The following DUSP4 variants were observed in gnomAD, a reference collection of about 807,000 sequenced individuals.
The protein encoded by DUSP4 is dual specificity phosphatase 4.
In DUSP4, 12 loss-of-function variants were observed where a neutral mutation model predicts 27.2. That is an observed-to-expected ratio of 0.44 (90% CI 0.28 to 0.71). DUSP4 has a LOEUF of 0.71. Ranked by LOEUF, DUSP4 falls within the 30% of genes least tolerant of loss-of-function variation. The pLI is 0.14. For synonymous variants in DUSP4, 257 were observed against 245.2 expected, an observed-to-expected ratio of 1.05 and a Z score of -0.45; for missense variants, 448 against 551.3, an observed-to-expected ratio of 0.81 and a Z score of 1.88.
Position 29,337,221 on chromosome 8 carries a change from G to T in DUSP4, c.990C>A (p.Phe330Leu), listed in dbSNP as rs1194563815. 3 of 1,613,752 alleles carry T rather than the reference G, an allele frequency of 1.9e-6. No homozygotes were observed. Among genetic ancestry groups the T allele is most frequent in the Non-Finnish European group, 2.5e-6 (3 of 1,179,966 alleles). ...NFSFMGQLLQ[F>L]ESQVLATSCA... Reference sequence around the variant, plus strand: ...AGGACGTGGCCAGCACCTGGGACTCGAACTGCAGCAGCTGCCCCATGAAGC... The same window carrying T: ...AGGACGTGGCCAGCACCTGGGACTCTAACTGCAGCAGCTGCCCCATGAAGC... Residue 330 changes from phenylalanine (F) to leucine (L), a missense_variant, in exon 4 of 4, where the codon TTC (phenylalanine) becomes TTA (leucine). Phe to Leu is a conservative substitution (Grantham distance 22). Coordinates refer to ENST00000240100, the MANE Select transcript of DUSP4 (RefSeq NM_001394.7). This position sits in a 1 kb window ranked among gnomAD's most constrained non-coding sequence, Gnocchi z 6.4.
intron 2 of DUSP4, 62 bp downstream of exon 2, chr8:29,340,036 G>A (rs1337432986): frequency 2.6e-6 from 4 of 1,511,724 alleles, no homozygotes; most frequent in African/African-American, 2.8e-5. Flanking sequence ...TGAAAAGAAG[G>A]CATCCACTGG....
rs1443668322 is a variant in DUSP4 at position 29,350,677 on chromosome 8, C to G, written c.-399G>C. 1 of 198,350 alleles carries G rather than the reference C, an allele frequency of 5.0e-6. No individual in the cohort carries two copies. Among genetic ancestry groups the G allele is most frequent in the Non-Finnish European group, 1.0e-5 (1 of 99,628 alleles). 12.3% of individuals were successfully genotyped at this position (198,350 alleles called of 1,614,324 possible). A position where few individuals can be genotyped will look rare whatever the true frequency, so the allele number is the denominator to read the frequency against. ...CTCCTCCGGCGCTCAGCGCACTGCC[C>G]CAGCCAGAGTTTTCTCCTCGGCTTA... On this transcript the variant is annotated 5_prime_UTR_variant, in exon 1 of 4. Coordinates refer to ENST00000240100, the MANE Select transcript of DUSP4 (RefSeq NM_001394.7).
chr8:29,347,908 G>A (rs1817758273), intron 1 of DUSP4: 2 of 985,500 alleles, frequency 2.0e-6, no homozygotes, highest in Non-Finnish European at 2.4e-6. Flanking sequence ...GGATTCACGA[G>A]GGACAGGGAA....
At position 29,350,559 on chromosome 8, in the gene DUSP4, G is replaced by C. The variant is rs1348716689; in HGVS notation, c.-281C>G. The C allele has an allele frequency of 4.9e-6, 2 of 411,978 alleles. No homozygotes were observed. The highest frequency in any genetic ancestry group is 8.6e-6 in the Non-Finnish European group (2 of 233,890). The allele number at this position is 411,978 out of a possible 1,614,324, so 25.5% of individuals were successfully genotyped here. A position where few individuals can be genotyped will look rare whatever the true frequency, so the allele number is the denominator to read the frequency against. ...TGGAGGAGAGTGTGTTTACGAGAGA[G>C]GACCGCGGACTCTTTTCGGCGACGG... On this transcript the variant is annotated 5_prime_UTR_variant, in exon 1 of 4. Coordinates refer to ENST00000240100, the MANE Select transcript of DUSP4 (RefSeq NM_001394.7).
intron 2 of DUSP4, among the ~76,000 whole-genome samples, chr8:29,339,193 CAAAT>C (rs1403010899): frequency 2.6e-5 from 4 of 152,190 alleles, no homozygotes; most frequent in Admixed American, 2.0e-4. Context: ...TAAAAATAAA[CAAAT>C]AAATAAGCTG....
chr8:29,348,009 G>A, intron 1 of DUSP4: 2 of 985,544 alleles, frequency 2.0e-6, no homozygotes, highest in Non-Finnish European at 2.4e-6. Flanking sequence ...AAGCCCAAGG[G>A]CCGAGGTCCT....
Position 29,349,850 on chromosome 8 carries a change from G to T in DUSP4, c.429C>A (p.Leu143=). ...GCGCCCGGAGCCCTCGTTTACCTTT[G>T]AGCAGGCAGATGTCGGTGCGCTCGG... ...RNAERTDICL[L]KGGYERFSSE... Residue 143 remains leucine (L), a synonymous_variant, in exon 1 of 4, where the codon CTC becomes CTA. Transcript: ENST00000240100. 6.7e-7 allele frequency: 1 copy of T among 1,495,062 alleles called. No individual in the cohort carries two copies. The highest frequency in any genetic ancestry group is 1.4e-5 in the South Asian group (1 of 74,006). 92.6% of individuals were successfully genotyped at this position (1,495,062 alleles called of 1,614,324 possible). A position where few individuals can be genotyped will look rare whatever the true frequency, so the allele number is the denominator to read the frequency against.
chr8:29,345,397 A>G (rs1171709730), intron 1 of DUSP4: 1 of 1,613,744 alleles, frequency 6.2e-7, no homozygotes, highest in Admixed American at 1.7e-5. Context: ...AGACACCTGG[A>G]CCTTCCTGCC....
intron 1 of DUSP4, chr8:29,345,630 G>A (rs907068748): frequency 7.5e-5 from 112 of 1,493,350 alleles, no homozygotes; most frequent in Middle Eastern, 2.3e-4. Flanking sequence ...CTTGGCTCGG[G>A]AAAGTGGCCA....
rs1175199174 is a variant in DUSP4 at position 29,350,426 on chromosome 8, C to T, written c.-148G>A. The T allele has an allele frequency of 4.5e-6, 4 of 896,676 alleles. No homozygotes were observed. The highest frequency in any genetic ancestry group is 6.5e-6 in the Non-Finnish European group (4 of 613,482). 55.5% of individuals were successfully genotyped at this position (896,676 alleles called of 1,614,324 possible). On this transcript the variant is annotated 5_prime_UTR_variant, in exon 1 of 4. Transcript: ENST00000240100. ...GTCCTCAAGGGCTCCCGCGGGAGAG[C>T]CTCTTCTTCCCTGTCCCCTTCCTCC...
chr8:29,347,091 C>A (rs987311138), intron 1 of DUSP4, among the ~76,000 whole-genome samples: 2 of 152,222 alleles, frequency 1.3e-5, no homozygotes, highest in Admixed American at 1.3e-4. Flanking sequence ...AATTCTCCAA[C>A]CCTTCACCAA....
intron 1 of DUSP4, among the ~76,000 whole-genome samples, chr8:29,349,268 G>C (rs1368518053): frequency 6.6e-6 from 1 of 152,254 alleles, no homozygotes; most frequent in Non-Finnish European, 1.5e-5. Context: ...CTTCCAAGCT[G>C]AGCTTGGAGT....
intron 1 of DUSP4, among the ~76,000 whole-genome samples, chr8:29,346,799 T>C (rs1276280433): frequency 2.6e-5 from 4 of 152,246 alleles, no homozygotes. Context: ...CAGTTCAACG[T>C]GGTTGAAGTA....
In DUSP4 at chr8:29,333,203, A is replaced by C. The variant is rs2117260340; in HGVS notation, c.*3823T>G. ...TACATCCTACAGGAATACAGGCATT[A>C]TCAAATGTAGAAATGGTATCACTCT... is the stretch of plus-strand genomic sequence containing the variant. On this transcript the variant is annotated 3_prime_UTR_variant, in exon 4 of 4. Coordinates refer to ENST00000240100, the MANE Select transcript of DUSP4 (RefSeq NM_001394.7). 6.6e-6 allele frequency: 1 copy of C among 152,366 alleles called. No individual in the cohort carries two copies. The highest frequency in any genetic ancestry group is 1.9e-4 in the East Asian group (1 of 5,192). The allele number at this position is 152,366 out of a possible 1,614,324, so 9.4% of individuals were successfully genotyped here.
At chr8:29,341,361 T>C (rs1194542594) in intron 1 of DUSP4, among the ~76,000 whole-genome samples, 2 of 152,210 alleles carry the variant, frequency 1.3e-5, no homozygotes, top group African/African-American at 4.8e-5. Flanking sequence ...AATTTTCCAA[T>C]GTGCAGACAT....
intron 1 of DUSP4, chr8:29,348,214 C>A (rs928052859): frequency 9.1e-6 from 9 of 985,644 alleles, no homozygotes; most frequent in Non-Finnish European, 1.1e-5. Context: ...AGGGCAGCGC[C>A]GTGCGGGGAA....
At chr8:29,346,139 C>A in intron 1 of DUSP4, 1 of 922,708 alleles carries the variant, frequency 1.1e-6, no homozygotes, top group Non-Finnish European at 1.3e-6. Flanking sequence ...TGTTCCTCTC[C>A]CCCCACATTC....
Position 29,350,480 on chromosome 8 carries a change from A to G in DUSP4, c.-202T>C. ...AGCCTCGCGGTCACATAGCAGTCGG[A>G]GCGGCCTCGGGCGCCCAGCCGGGCG... On this transcript the variant is annotated 5_prime_UTR_variant, in exon 1 of 4. Coordinates refer to ENST00000240100, the MANE Select transcript of DUSP4 (RefSeq NM_001394.7). 1.5e-6 allele frequency: 1 copy of G among 650,336 alleles called. No homozygotes were observed. Among genetic ancestry groups the G allele is most frequent in the Non-Finnish European group, 2.4e-6 (1 of 408,976 alleles). The allele number at this position is 650,336 out of a possible 1,614,324, so 40.3% of individuals were successfully genotyped here.
At chr8:29,342,235 GT>G (rs1360569238) in intron 1 of DUSP4, among the ~76,000 whole-genome samples, 2 of 152,204 alleles carry the variant, frequency 1.3e-5, no homozygotes, top group Non-Finnish European at 2.9e-5. Context: ...CTGGAGTGAA[GT>G]TCCGAAAGGG....
Sources: gnomAD v4.1 joint callset for allele counts (sites outside exome capture counted in the v4.1 genomes callset) on GRCh38, gnomAD v4.1.1 for gene constraint, Gnocchi (gnomAD v3.1) non-coding constraint, MANE v1.5 for transcripts, NCBI Gene and HGNC (gene_info 2026-07-23, HGNC 2026-07-21) for gene names.